The following VRK2 variants were observed in gnomAD, a reference collection of about 807,000 sequenced individuals.
VRK2 encodes the protein serine/threonine-protein kinase VRK2.
VRK2 carries 60 observed loss-of-function variants against 57.6 expected under a neutral mutation model. The ratio of observed to expected loss-of-function variants is 1.04; its 90% confidence interval spans 0.85 to 1.29. The LOEUF (loss-of-function observed/expected upper bound fraction) is 1.29, where lower values mean the gene tolerates loss of function less well. Among genes scored for constraint, VRK2 ranks in the 50% most tolerant of loss-of-function variants. The pLI, the probability that VRK2 is intolerant of heterozygous loss-of-function variation, is 0.00. For synonymous variants in VRK2, 231 were observed against 199.2 expected (o/e 1.16, Z -1.35); for missense variants, 705 against 588.1 (o/e 1.20, Z -2.06).
intron 1 of VRK2, among the ~76,000 whole-genome samples, chr2:57,944,218 G>T (rs929532873): frequency 6.6e-6 from 1 of 152,148 alleles, no homozygotes; most frequent in Non-Finnish European, 1.5e-5. Flanking sequence ...AGCCATGTGT[G>T]GGGTTATGAA....
At chr2:57,918,793 T>C (rs529647964) in intron 1 of VRK2, among the ~76,000 whole-genome samples, 74 of 152,270 alleles carry the variant, frequency 4.9e-4, no homozygotes, top group Non-Finnish European at 8.8e-4. Flanking sequence ...AACTTTATAA[T>C]CATGCTCTGA....
At chr2:58,120,732 T>A (rs1677362988) in intron 7 of VRK2, among the ~76,000 whole-genome samples, 1 of 152,232 alleles carries the variant, frequency 6.6e-6, no homozygotes, top group Non-Finnish European at 1.5e-5. Context: ...ATACAAGTTT[T>A]CTATCAGCCA....
chr2:57,965,293 T>C (rs1429427131), intron 1 of VRK2, among the ~76,000 whole-genome samples: 1 of 152,196 alleles, frequency 6.6e-6, no homozygotes, highest in Non-Finnish European at 1.5e-5. Flanking sequence ...TTTCAAAAAA[T>C]AGTTTCATGG....
chr2:58,070,317 TGG>T (rs1035831814), intron 2 of VRK2, among the ~76,000 whole-genome samples: 116 of 152,258 alleles, frequency 7.6e-4, no homozygotes, highest in African/African-American at 2.7e-3. Flanking sequence ...CTCAAGTAGT[TGG>T]GGTTACAGAC....
intron 1 of VRK2, among the ~76,000 whole-genome samples, chr2:57,910,320 G>A (rs887194381): frequency 3.3e-5 from 5 of 152,262 alleles, no homozygotes; most frequent in Admixed American, 3.3e-4. Flanking sequence ...TGGCTGAGAT[G>A]CTGACTCCCC....
intron 1 of VRK2, among the ~76,000 whole-genome samples, chr2:57,924,466 T>C (rs953804747): frequency 1.3e-5 from 2 of 152,036 alleles, no homozygotes; most frequent in Non-Finnish European, 2.9e-5. Flanking sequence ...CCTAGATATT[T>C]TATTTGTAGC....
chr2:57,994,548 A>T (rs1480916948), intron 1 of VRK2, among the ~76,000 whole-genome samples: 1 of 152,194 alleles, frequency 6.6e-6, no homozygotes, highest in Non-Finnish European at 1.5e-5. Flanking sequence ...TGAAAGATCG[A>T]GAAACAAAAA....
chr2:58,032,851 A>T (rs1479874165), intron 2 of VRK2, among the ~76,000 whole-genome samples: 1 of 152,080 alleles, frequency 6.6e-6, no homozygotes, highest in Non-Finnish European at 1.5e-5. Flanking sequence ...GAGCCTTGGG[A>T]AACTGGCTCA....
At chr2:57,932,019 T>C (rs1256472656) in intron 1 of VRK2, among the ~76,000 whole-genome samples, 5 of 152,178 alleles carry the variant, frequency 3.3e-5, no homozygotes, top group African/African-American at 9.6e-5. Flanking sequence ...TTGATTACTA[T>C]GGATTTGTAA....
At chr2:57,964,811 T>G (rs1671864049) in intron 1 of VRK2, among the ~76,000 whole-genome samples, 1 of 128,886 alleles carries the variant, frequency 7.8e-6, no homozygotes. Flanking sequence ...ACCTGAGAGG[T>G]GAAGGTTGCA....
intron 1 of VRK2, among the ~76,000 whole-genome samples, chr2:57,928,082 G>C (rs1383899023): frequency 1.3e-5 from 2 of 151,950 alleles, no homozygotes; most frequent in Admixed American, 6.6e-5. Context: ...TCTAGGCTTG[G>C]GAAGTTCTCA....
intron 2 of VRK2, chr2:58,058,450 T>A (rs2103868066): frequency 2.1e-6 from 1 of 470,004 alleles, no homozygotes; most frequent in East Asian, 7.0e-5. Context: ...CTTCGACATG[T>A]GTGAAAGAGG....
intron 8 of VRK2, 26 bp downstream of exon 8, chr2:58,123,259 T>C (rs771763077): frequency 3.2e-6 from 5 of 1,571,734 alleles, no homozygotes. Flanking sequence ...CTTTTTCTTA[T>C]TTTTATTTCA....
At chr2:58,027,655 C>T (rs1673974459) in intron 2 of VRK2, among the ~76,000 whole-genome samples, 1 of 152,000 alleles carries the variant, frequency 6.6e-6, no homozygotes, top group East Asian at 1.9e-4. Context: ...TTTTGTACTT[C>T]TGAGTCAACG....
intron 1 of VRK2, among the ~76,000 whole-genome samples, chr2:58,006,964 G>A (rs769016423): frequency 2.0e-5 from 3 of 152,014 alleles, no homozygotes; most frequent in Non-Finnish European, 4.4e-5. Flanking sequence ...GCAAGGCTGG[G>A]TCCCCTTGAG....
At chr2:58,159,326 C>A in intron 12 of VRK2, 23 bp from the exon 13 acceptor site, 1 of 1,549,686 alleles carries the variant, frequency 6.5e-7, no homozygotes, top group Non-Finnish European at 8.7e-7. Context: ...ACAAACTAAA[C>A]TATATATGTA....
At chr2:58,136,379 C>T (rs1338608650) in intron 10 of VRK2, among the ~76,000 whole-genome samples, 3 of 149,866 alleles carry the variant, frequency 2.0e-5, no homozygotes, top group Non-Finnish European at 3.0e-5. Context: ...GGCTAATATT[C>T]TTAATGGCAT....
chr2:57,985,814 G>A (rs1672576833), intron 1 of VRK2, among the ~76,000 whole-genome samples: 1 of 151,878 alleles, frequency 6.6e-6, no homozygotes, highest in Non-Finnish European at 1.5e-5. Flanking sequence ...AAATCCTAAG[G>A]AATCCACTAA....
intron 9 of VRK2, 34 bp downstream of exon 9, chr2:58,131,962 A>C (rs1679264639): frequency 6.2e-7 from 1 of 1,613,008 alleles, no homozygotes; most frequent in Non-Finnish European, 8.5e-7. Context: ...CATGTACTGC[A>C]CCAGGTCTGA....
Sources: gnomAD v4.1 joint callset for allele counts (sites outside exome capture counted in the v4.1 genomes callset) on GRCh38, gnomAD v4.1.1 for gene constraint, MANE v1.5 for transcripts, NCBI Gene and HGNC (gene_info 2026-07-23, HGNC 2026-07-21) for gene names.